FBXW11: variants seen among roughly 807,000 people sequenced by gnomAD.
FBXW11 encodes the protein F-box and WD repeat domain containing 11, also known as F-box/WD repeat-containing protein 11.
Under a neutral mutation model 77.6 loss-of-function variants are expected in FBXW11, and 19 were observed. The observed-to-expected ratio is 0.24, with a 90% CI of 0.17 to 0.36. The LOEUF is 0.36. FBXW11 is among the 10% of genes least tolerant of loss of function. The probability of loss-of-function intolerance (pLI) is 1.00; values close to 1 mark genes in which losing one functional copy is unlikely to be tolerated. For missense variants in FBXW11, 334 were observed against 704.2 expected (o/e 0.47, Z 5.95); for synonymous variants, 235 against 249.4 (o/e 0.94, Z 0.54).
intron 1 of FBXW11, among the ~76,000 whole-genome samples, chr5:171,977,123 T>C (rs913210897): frequency 6.6e-6 from 1 of 151,758 alleles, no homozygotes; most frequent in Non-Finnish European, 1.5e-5. Flanking sequence ...GAAGATCACT[T>C]GAGCCCAGGA....
intron 2 of FBXW11, among the ~76,000 whole-genome samples, chr5:171,945,093 A>G (rs1187633485): frequency 6.6e-6 from 1 of 152,242 alleles, no homozygotes; most frequent in Non-Finnish European, 1.5e-5. Context: ...AGACAGGAGG[A>G]AAACAAACAA....
At chr5:171,959,824 C>G (rs1285084590) in intron 1 of FBXW11, among the ~76,000 whole-genome samples, 109 of 146,906 alleles carry the variant, frequency 7.4e-4, no homozygotes, top group African/African-American at 2.7e-3. Context: ...CACTCCAGCC[C>G]AAGCGACTGA....
In FBXW11 at chr5:171,904,290, G is replaced by A. The variant is rs1760329398; in HGVS notation, c.437-4190C>T. Among the ~76,000 whole-genome samples the A allele has an allele frequency of 6.6e-6, 1 of 151,754 alleles. No homozygotes were observed. The highest frequency in any genetic ancestry group is 1.5e-5 in the Non-Finnish European group (1 of 68,002). On this transcript the variant is annotated intron_variant, in intron 4 of 13. Transcript: ENST00000517395. The surrounding 1 kb of genome is among the most constrained non-coding windows in gnomAD (Gnocchi z 4.0). ...AGCCTGGGTTACAGTGCAAGACTCT[G>A]TCTTTTTTTAAAAAAAATAAAAAAT...
intron 1 of FBXW11, among the ~76,000 whole-genome samples, chr5:171,985,224 A>G (rs907763130): frequency 2.0e-5 from 3 of 152,112 alleles, no homozygotes; most frequent in African/African-American, 7.2e-5. Flanking sequence ...CTCTAATCTG[A>G]CAACTGGAGT....
chr5:171,897,800 G>A (rs1217836700), intron 6 of FBXW11, among the ~76,000 whole-genome samples: 1 of 151,338 alleles, frequency 6.6e-6, no homozygotes. Flanking sequence ...TATAAGATGT[G>A]TACATAAGAA....
At chr5:171,946,063 T>C (rs781042337) in intron 2 of FBXW11, among the ~76,000 whole-genome samples, 11 of 152,190 alleles carry the variant, frequency 7.2e-5, no homozygotes, top group South Asian at 2.1e-4. Context: ...CCCACCATAA[T>C]GTAGGTAAGC....
At chr5:171,954,866 C>T (rs926993639) in intron 2 of FBXW11, among the ~76,000 whole-genome samples, 1 of 151,920 alleles carries the variant, frequency 6.6e-6, no homozygotes, top group East Asian at 1.9e-4. Context: ...ACAAATAAAA[C>T]CAACATGGAA....
At chr5:171,878,494 G>C (rs975720062) in intron 7 of FBXW11, among the ~76,000 whole-genome samples, 1 of 151,996 alleles carries the variant, frequency 6.6e-6, no homozygotes, top group Admixed American at 6.6e-5. Flanking sequence ...CAGAAGGATC[G>C]CTTGAGCCCA....
chr5:171,961,822 T>C (rs1271643430), intron 1 of FBXW11, among the ~76,000 whole-genome samples: 1 of 152,182 alleles, frequency 6.6e-6, no homozygotes, highest in Non-Finnish European at 1.5e-5. Context: ...TATTTTTGTA[T>C]TTTTAGTAGA....
rs1164383563 is a variant in FBXW11, at chr5:171,952,447, A to ATTTTTTTTTT, written c.147+5140_147+5149dup. 2.4e-3 allele frequency among the ~76,000 whole-genome samples: 17 copies of ATTTTTTTTTT among 6,948 alleles called. 2 individuals are homozygous for ATTTTTTTTTT. The highest frequency in any genetic ancestry group is 0.042 in the East Asian group (2 of 48). 4.6% of individuals were successfully genotyped at this position (6,948 alleles called of 152,430 possible). ...CATATATATATATATATATATATAT[A>ATTTTTTTTTT]TTTTTTTTTTTTTTTTTTTTTTTGA... On this transcript the variant is annotated intron_variant, in intron 2 of 13. Coordinates refer to ENST00000517395, the MANE Select transcript of FBXW11 (RefSeq NM_001378974.1).
chr5:171,922,746 G>T (rs1297071555), intron 2 of FBXW11, among the ~76,000 whole-genome samples: 1 of 152,176 alleles, frequency 6.6e-6, no homozygotes, highest in Non-Finnish European at 1.5e-5. Flanking sequence ...AATACAGTAA[G>T]TTCTCTTCTA....
intron 1 of FBXW11, among the ~76,000 whole-genome samples, chr5:171,977,990 T>TA (rs771940402): frequency 7.2e-4 from 109 of 152,188 alleles, no homozygotes; most frequent in Non-Finnish European, 1.1e-3. Flanking sequence ...CAAGGGAACT[T>TA]AATCTATAAG....
chr5:171,878,489 G>C (rs1327483274), intron 7 of FBXW11, among the ~76,000 whole-genome samples: 1 of 151,754 alleles, frequency 6.6e-6, no homozygotes, highest in Admixed American at 6.6e-5. Context: ...CGAGACAGAA[G>C]GATCGCTTGA....
intron 5 of FBXW11, among the ~76,000 whole-genome samples, chr5:171,899,567 TAAC>T (rs1042800894): frequency 1.3e-3 from 200 of 152,272 alleles, no homozygotes; most frequent in African/African-American, 4.5e-3. Flanking sequence ...CCAGCAGTAA[TAAC>T]AAACAGCAAA....
chr5:171,968,436 G>C (rs769784959), intron 1 of FBXW11, among the ~76,000 whole-genome samples: 4 of 137,684 alleles, frequency 2.9e-5, no homozygotes, highest in Non-Finnish European at 6.1e-5. Context: ...CAGCCTGGGC[G>C]AAAGAGCCAG....
chr5:171,920,230 C>T (rs541974704), intron 2 of FBXW11, among the ~76,000 whole-genome samples: 1 of 152,118 alleles, frequency 6.6e-6, no homozygotes, highest in African/African-American at 2.4e-5. Flanking sequence ...AAACTGAATT[C>T]TGAACATAAG....
At chr5:171,942,479 G>C (rs989243531) in intron 2 of FBXW11, among the ~76,000 whole-genome samples, 4 of 152,168 alleles carry the variant, frequency 2.6e-5, no homozygotes, top group South Asian at 4.1e-4. Flanking sequence ...GTTAGATTTA[G>C]TTTAAATGAA....
chr5:171,873,085 C>G, intron 9 of FBXW11, 95 bp from the exon 10 acceptor site: 2 of 983,066 alleles, frequency 2.0e-6, no homozygotes, highest in Non-Finnish European at 3.1e-6. Context: ...TGATAATGAC[C>G]CAAATATGTG....
chr5:171,940,755 G>A (rs1051770339), intron 2 of FBXW11, among the ~76,000 whole-genome samples: 1 of 152,014 alleles, frequency 6.6e-6, no homozygotes, highest in Non-Finnish European at 1.5e-5. Context: ...AGGCGTGGTA[G>A]CACACGCCTA....
Sources: gnomAD v4.1 joint callset for allele counts (sites outside exome capture counted in the v4.1 genomes callset) on GRCh38, gnomAD v4.1.1 for gene constraint, Gnocchi (gnomAD v3.1) non-coding constraint, MANE v1.5 for transcripts, NCBI Gene and HGNC (gene_info 2026-07-23, HGNC 2026-07-21) for gene names.